Variants in DLG1 observed in about 807,000 individuals in gnomAD.
DLG1 encodes disks large homolog 1.
In DLG1, 42 loss-of-function variants were observed where a neutral mutation model predicts 123.4. The ratio of observed to expected loss-of-function variants is 0.34; its 90% CI spans 0.27 to 0.44. The LOEUF is 0.44. Among genes scored for constraint, DLG1 ranks in the 20% least tolerant of loss-of-function variants. The pLI, the probability that DLG1 is intolerant of heterozygous loss-of-function variation, is 1.00. For synonymous variants in DLG1, 317 were observed against 356.2 expected (o/e 0.89, Z 1.24); for missense variants, 942 against 1,082.6 (o/e 0.87, Z 1.82).
intron 24 of DLG1, among the ~76,000 whole-genome samples, chr3:197,049,982 G>A (rs1726183316): frequency 6.6e-6 from 1 of 151,898 alleles, no homozygotes. Context: ...AATTGCTTGA[G>A]CCCAGGAGGT....
At chr3:197,060,113 C>A in intron 22 of DLG1, 115 bp from the exon 23 acceptor site, 1 of 619,638 alleles carries the variant, frequency 1.6e-6, no homozygotes, top group Non-Finnish European at 2.7e-6. Flanking sequence ...GATCCTTGTT[C>A]ACTTTTAGTA....
At chr3:197,114,858 T>C (rs1029696219) in intron 13 of DLG1, among the ~76,000 whole-genome samples, 12 of 151,932 alleles carry the variant, frequency 7.9e-5, no homozygotes, top group Non-Finnish European at 1.5e-4. Context: ...CGGGTGCCTG[T>C]AGTCCCAGCT....
At chr3:197,109,917 T>G (rs537232054) in intron 13 of DLG1, among the ~76,000 whole-genome samples, 3 of 152,336 alleles carry the variant, frequency 2.0e-5, no homozygotes, top group African/African-American at 7.2e-5. Flanking sequence ...TTTTGCTACT[T>G]TCAATATTCT....
intron 5 of DLG1, among the ~76,000 whole-genome samples, chr3:197,162,827 A>T (rs1192607869): frequency 6.6e-6 from 1 of 152,246 alleles, no homozygotes; most frequent in Non-Finnish European, 1.5e-5. Flanking sequence ...TAGAAATCAT[A>T]AATGATGAAA....
At chr3:197,087,339 T>A (rs1755004870) in intron 15 of DLG1, among the ~76,000 whole-genome samples, 1 of 152,076 alleles carries the variant, frequency 6.6e-6, no homozygotes, top group Admixed American at 6.6e-5. Context: ...AGCCTTTTTT[T>A]TTTTTGGCTT....
chr3:197,278,598 T>C (rs760099637), intron 4 of DLG1, among the ~76,000 whole-genome samples: 4 of 151,936 alleles, frequency 2.6e-5, no homozygotes, highest in Non-Finnish European at 5.9e-5. Flanking sequence ...AGATAATATA[T>C]ACAAAAAAAA....
chr3:197,254,900 A>G (rs35665404), intron 4 of DLG1, among the ~76,000 whole-genome samples: 37,011 of 151,816 alleles, frequency 0.24, 5,703 homozygotes, highest in East Asian at 0.72. Context: ...ATACAAAGAA[A>G]AAAAAATTAG....
At chr3:197,079,294 T>C (rs1246384650) in intron 17 of DLG1, among the ~76,000 whole-genome samples, 1 of 152,182 alleles carries the variant, frequency 6.6e-6, no homozygotes, top group Non-Finnish European at 1.5e-5. Context: ...GCCAAATGAA[T>C]GTTAGACATG....
intron 9 of DLG1, among the ~76,000 whole-genome samples, chr3:197,137,198 T>C (rs2149611215): frequency 6.6e-6 from 1 of 152,312 alleles, no homozygotes; most frequent in East Asian, 1.9e-4. Flanking sequence ...CAGCTCTCCA[T>C]TCCTTTTTCA....
chr3:197,207,753 A>G (rs547313571), intron 4 of DLG1, among the ~76,000 whole-genome samples: 4 of 116,146 alleles, frequency 3.4e-5, no homozygotes, highest in Admixed American at 8.8e-5. Flanking sequence ...TCTTCAACCA[A>G]TATCATTGGT....
chr3:197,165,042 A>G (rs533611253), intron 5 of DLG1, among the ~76,000 whole-genome samples: 1 of 152,328 alleles, frequency 6.6e-6, no homozygotes, highest in South Asian at 2.1e-4. Context: ...ACATTAAGTA[A>G]AAAAGGGAAG....
chr3:197,115,056 CTG>C (rs1253036977), intron 13 of DLG1, among the ~76,000 whole-genome samples: 1 of 140,082 alleles, frequency 7.1e-6, no homozygotes, highest in East Asian at 2.1e-4. Context: ...CAACAAATAA[CTG>C]TACAATCCAA....
chr3:197,233,164 A>G (rs1451006096), intron 4 of DLG1, among the ~76,000 whole-genome samples: 1 of 152,212 alleles, frequency 6.6e-6, no homozygotes, highest in Non-Finnish European at 1.5e-5. Context: ...AAACAAAATT[A>G]AGAAAATAAT....
At chr3:197,174,047 C>T (rs1324615176) in intron 5 of DLG1, among the ~76,000 whole-genome samples, 1 of 152,170 alleles carries the variant, frequency 6.6e-6, no homozygotes, top group African/African-American at 2.4e-5. Flanking sequence ...CGCGCCACTG[C>T]ACTCCAGCCT....
chr3:197,090,475 C>G (rs573683543), intron 15 of DLG1, among the ~76,000 whole-genome samples: 19 of 152,158 alleles, frequency 1.2e-4, no homozygotes, highest in Admixed American at 3.9e-4. Context: ...TTTACCGAGG[C>G]TATTCACATT....
chr3:197,127,475 T>A (rs1458372041), intron 11 of DLG1, among the ~76,000 whole-genome samples: 5 of 92,062 alleles, frequency 5.4e-5, no homozygotes, highest in African/African-American at 1.8e-4. Context: ...TATATATATA[T>A]ATATATATAT....
At chr3:197,184,191 A>G (rs989659568) in intron 5 of DLG1, 5 of 879,418 alleles carry the variant, frequency 5.7e-6, no homozygotes, top group African/African-American at 3.6e-5. Flanking sequence ...AGGATGCTAT[A>G]AACACTGGAC....
At chr3:197,173,869 C>T (rs963356180) in intron 5 of DLG1, among the ~76,000 whole-genome samples, 2 of 152,084 alleles carry the variant, frequency 1.3e-5, no homozygotes, top group Non-Finnish European at 2.9e-5. Flanking sequence ...TTTGGGAGGC[C>T]GAGGCAGGCA....
At chr3:197,174,179 A>G (rs1332945998) in intron 5 of DLG1, among the ~76,000 whole-genome samples, 3 of 152,224 alleles carry the variant, frequency 2.0e-5, no homozygotes, top group African/African-American at 7.2e-5. Context: ...CTGCTTTTAA[A>G]AAAGGAGAAA....
Sources: allele counts gnomAD v4.1 joint callset (sites outside exome capture counted in the v4.1 genomes callset), GRCh38; gene constraint gnomAD v4.1.1; transcripts MANE v1.5; gene names NCBI Gene and HGNC (gene_info 2026-07-23, HGNC 2026-07-21).